ZCCHC7: variants seen among roughly 807,000 people sequenced by gnomAD.
ZCCHC7 encodes the protein zinc finger CCHC domain-containing protein 7.
A neutral mutation model predicts 52.0 loss-of-function variants in ZCCHC7; 35 were observed. That is an observed-to-expected ratio of 0.67 (90% CI 0.51 to 0.89). The LOEUF is 0.89. Ranked by LOEUF, ZCCHC7 falls within the 40% of genes least tolerant of loss-of-function variation. The probability of loss-of-function intolerance (pLI) is 0.00; values close to 1 mark genes in which losing one functional copy is unlikely to be tolerated. For synonymous variants in ZCCHC7, 217 were observed against 221.5 expected (o/e 0.98, Z 0.18); for missense variants, 574 against 649.1 (o/e 0.88, Z 1.26).
chr9:37,287,510 G>A (rs974787357), intron 2 of ZCCHC7, among the ~76,000 whole-genome samples: 2 of 151,934 alleles, frequency 1.3e-5, no homozygotes, highest in African/African-American at 4.8e-5. Flanking sequence ...TTCTGCAAAC[G>A]TTGGCCTAAG....
intron 2 of ZCCHC7, among the ~76,000 whole-genome samples, chr9:37,135,908 AT>A (rs1199244024): frequency 6.6e-6 from 1 of 152,236 alleles, no homozygotes; most frequent in Non-Finnish European, 1.5e-5. Flanking sequence ...CCATTGTTGA[AT>A]TCCTGGCATT....
At chr9:37,295,838 G>A (rs559151196) in intron 2 of ZCCHC7, among the ~76,000 whole-genome samples, 1 of 152,238 alleles carries the variant, frequency 6.6e-6, no homozygotes, top group East Asian at 1.9e-4. Context: ...GGGCATATAT[G>A]ACATAATCTG....
intron 5 of ZCCHC7, among the ~76,000 whole-genome samples, chr9:37,312,900 A>G (rs904420816): frequency 6.6e-6 from 1 of 152,260 alleles, no homozygotes; most frequent in Non-Finnish European, 1.5e-5. Flanking sequence ...GAATGCATAA[A>G]TAAGAATAAA....
chr9:37,347,028 T>C (rs1564270053), intron 6 of ZCCHC7, among the ~76,000 whole-genome samples: 1 of 152,148 alleles, frequency 6.6e-6, no homozygotes, highest in Non-Finnish European at 1.5e-5. Context: ...TAGCACTGTT[T>C]GTTAAAGACT....
intron 5 of ZCCHC7, among the ~76,000 whole-genome samples, chr9:37,320,994 T>TTC (rs1168389617): frequency 6.8e-6 from 1 of 146,520 alleles, no homozygotes; most frequent in Non-Finnish European, 1.5e-5. Flanking sequence ...TTTCTTTTTT[T>TTC]TTTTTTTTTT....
chr9:37,281,717 A>G (rs1827967210), intron 2 of ZCCHC7, among the ~76,000 whole-genome samples: 2 of 152,216 alleles, frequency 1.3e-5, no homozygotes, highest in Non-Finnish European at 2.9e-5. Flanking sequence ...AGGGAAGGAA[A>G]TGCTTAAGCT....
intron 2 of ZCCHC7, among the ~76,000 whole-genome samples, chr9:37,270,256 G>A: frequency 6.6e-6 from 1 of 152,160 alleles, no homozygotes; most frequent in Non-Finnish European, 1.5e-5. Flanking sequence ...GGGCAGTGCT[G>A]GTATAGAAAA....
intron 1 of ZCCHC7, 96 bp downstream of exon 1, chr9:37,120,719 C>T (rs890953569): frequency 1.1e-5 from 4 of 362,360 alleles, no homozygotes; most frequent in African/African-American, 4.2e-5. Context: ...GCGCGTGCCC[C>T]CTCGCCGGCC....
chr9:37,145,003 T>C (rs1186408739), intron 2 of ZCCHC7: 1 of 151,972 alleles, frequency 6.6e-6, no homozygotes, highest in Non-Finnish European at 1.5e-5. Context: ...GAAAAGTGAG[T>C]CTTTCATTTC....
chr9:37,293,804 C>G (rs1357881772), intron 2 of ZCCHC7, among the ~76,000 whole-genome samples: 1 of 152,066 alleles, frequency 6.6e-6, no homozygotes, highest in East Asian at 1.9e-4. Flanking sequence ...TTCTCTCTCT[C>G]TCTCCATAGA....
At chr9:37,227,694 G>A (rs536508906) in intron 2 of ZCCHC7, among the ~76,000 whole-genome samples, 7 of 152,244 alleles carry the variant, frequency 4.6e-5, no homozygotes, top group East Asian at 3.9e-4. Flanking sequence ...CTGAATGTTC[G>A]TCACCTAGTA....
chr9:37,142,596 T>G (rs1843275557), intron 2 of ZCCHC7, among the ~76,000 whole-genome samples: 1 of 151,792 alleles, frequency 6.6e-6, no homozygotes, highest in East Asian at 1.9e-4. Context: ...AATCAGTGAG[T>G]TTCAAACTAA....
chr9:37,232,438 A>G (rs1825452711), intron 2 of ZCCHC7, among the ~76,000 whole-genome samples: 1 of 152,196 alleles, frequency 6.6e-6, no homozygotes, highest in Non-Finnish European at 1.5e-5. Flanking sequence ...GGGCCTAAGC[A>G]TCTGGGTGTG....
chr9:37,244,577 A>G (rs1355991051), intron 2 of ZCCHC7, among the ~76,000 whole-genome samples: 2 of 151,946 alleles, frequency 1.3e-5, no homozygotes, highest in Non-Finnish European at 2.9e-5. Context: ...TTCATGTATT[A>G]AGAGAGGGTG....
intron 2 of ZCCHC7, among the ~76,000 whole-genome samples, chr9:37,257,785 C>G (rs1020793408): frequency 6.6e-6 from 1 of 152,092 alleles, no homozygotes; most frequent in Admixed American, 6.5e-5. Flanking sequence ...CTCGCCTGCT[C>G]GCCCTTTGCC....
intron 5 of ZCCHC7, among the ~76,000 whole-genome samples, chr9:37,315,194 A>G (rs1588658636): frequency 6.6e-6 from 1 of 152,250 alleles, no homozygotes; most frequent in South Asian, 2.1e-4. Flanking sequence ...ACATATATAA[A>G]CAATGATAAA....
chr9:37,271,822 A>T (rs1827428718), intron 2 of ZCCHC7, among the ~76,000 whole-genome samples: 1 of 152,144 alleles, frequency 6.6e-6, no homozygotes, highest in Non-Finnish European at 1.5e-5. Flanking sequence ...TGCCCGCCTC[A>T]GCCTCCCAAA....
chr9:37,300,791 AG>A (rs1272470406), intron 2 of ZCCHC7, among the ~76,000 whole-genome samples: 1 of 152,194 alleles, frequency 6.6e-6, no homozygotes, highest in Non-Finnish European at 1.5e-5. Flanking sequence ...TCAACACTTT[AG>A]TTTCTGCATT....
rs1222077282 is a variant in ZCCHC7 at position 37,357,247 on chromosome 9, G to A, written c.1611G>A (p.Lys537=). 21 of 1,593,324 alleles carry A rather than the reference G, an allele frequency of 1.3e-5. No individual in the cohort carries two copies. The highest frequency in any genetic ancestry group is 1.8e-4 in the Middle Eastern group (1 of 5,592). Residue 537 remains lysine, a synonymous_variant, in exon 9 of 9, where the codon AAG becomes AAA. Coordinates refer to ENST00000336755, the MANE Select transcript of ZCCHC7 (RefSeq NM_032226.3). ...ACAATGATAACTTATTTCTTATTAA[G>A]CAGAGAAAAAAAAAGTCTTAAGCCG... ...DDDNDNLFLI[K]QRKKKS
Sources: gnomAD v4.1 joint callset for allele counts (sites outside exome capture counted in the v4.1 genomes callset) on GRCh38, gnomAD v4.1.1 for gene constraint, MANE v1.5 for transcripts, NCBI Gene and HGNC (gene_info 2026-07-23, HGNC 2026-07-21) for gene names.